Variants in BCAS3 observed in about 807,000 individuals in gnomAD.
BCAS3 encodes the protein BCAS3 microtubule associated cell migration factor.
A neutral mutation model predicts 116.1 loss-of-function variants in BCAS3; 53 were observed. The observed-to-expected ratio is 0.46, with a 90% CI of 0.37 to 0.57. BCAS3 has a LOEUF of 0.57. BCAS3 is among the 20% of genes least tolerant of loss of function. The pLI, the probability that BCAS3 is intolerant of heterozygous loss-of-function variation, is 0.00. For missense variants in BCAS3, 917 were observed against 1,165.4 expected, an observed-to-expected ratio of 0.79 and a Z score of 3.10; for synonymous variants, 391 against 408.2, an observed-to-expected ratio of 0.96 and a Z score of 0.51.
intron 22 of BCAS3, among the ~76,000 whole-genome samples, chr17:61,129,944 CT>C (rs1211197952): frequency 2.6e-5 from 4 of 152,188 alleles, no homozygotes; most frequent in African/African-American, 7.2e-5. Context: ...CTTATCTGTA[CT>C]TAACAAAGAC....
chr17:60,895,792 G>A (rs1235559772), intron 10 of BCAS3, among the ~76,000 whole-genome samples: 1 of 152,160 alleles, frequency 6.6e-6, no homozygotes, highest in East Asian at 1.9e-4. Context: ...GTAGTGTTCA[G>A]GGGCATGTTA....
intron 22 of BCAS3, among the ~76,000 whole-genome samples, chr17:61,269,489 A>G (rs1202802967): frequency 6.6e-6 from 1 of 152,074 alleles, no homozygotes; most frequent in Non-Finnish European, 1.5e-5. Context: ...TCTATTTTTA[A>G]TGTTTTGAGG....
At chr17:61,238,553 T>A (rs2083248835) in intron 22 of BCAS3, among the ~76,000 whole-genome samples, 1 of 152,018 alleles carries the variant, frequency 6.6e-6, no homozygotes, top group South Asian at 2.1e-4. Flanking sequence ...AATTCCATCA[T>A]AATGAGATAA....
intron 22 of BCAS3, among the ~76,000 whole-genome samples, chr17:61,123,101 C>G (rs1455513705): frequency 2.1e-4 from 32 of 152,040 alleles, no homozygotes; most frequent in Non-Finnish European, 1.5e-5. Context: ...ACCACCATGT[C>G]CAACTGATTT....
intron 22 of BCAS3, among the ~76,000 whole-genome samples, chr17:61,135,524 T>C (rs1003094332): frequency 6.6e-6 from 1 of 152,232 alleles, no homozygotes; most frequent in African/African-American, 2.4e-5. Context: ...CAAAGATCTG[T>C]AGGAAAATGC....
chr17:60,814,296 T>TGCGCGCGCGC (rs755687591), intron 7 of BCAS3, among the ~76,000 whole-genome samples: 19 of 124,412 alleles, frequency 1.5e-4, no homozygotes, highest in Admixed American at 2.2e-4. Context: ...TGTGTGTGTG[T>TGCGCGCGCGC]GTGTGTGTGT....
chr17:60,678,324 G>C (rs567044950), intron 1 of BCAS3, among the ~76,000 whole-genome samples: 1 of 152,290 alleles, frequency 6.6e-6, no homozygotes, highest in South Asian at 2.1e-4. Context: ...TTGGTTGTAG[G>C]AGGTGGGGCG....
chr17:61,272,627 A>G, intron 22 of BCAS3, among the ~76,000 whole-genome samples: 1 of 92,552 alleles, frequency 1.1e-5, no homozygotes. Flanking sequence ...ACAGAGTGAA[A>G]CCCTGTCTCA....
intron 7 of BCAS3, among the ~76,000 whole-genome samples, chr17:60,849,552 TAAAA>T (rs201985293): frequency 6.6e-6 from 1 of 152,058 alleles, no homozygotes; most frequent in African/African-American, 2.4e-5. Context: ...CTCCCACAAT[TAAAA>T]AAAGTTTATA....
intron 22 of BCAS3, among the ~76,000 whole-genome samples, chr17:61,177,139 T>C (rs762544285): frequency 6.6e-6 from 1 of 152,236 alleles, no homozygotes; most frequent in Admixed American, 6.5e-5. Context: ...GGAAAACTCC[T>C]TGCTAGTTTC....
rs544625179 is a variant in BCAS3, at chr17:60,973,181, A to G, written c.1222-16790A>G. ...GACTTTTTTTGCTCTTTCCCTCATGATTCCTTTATAAATGTCACTTCCCTG... is the reference window on the plus strand; with the variant it reads ...GACTTTTTTTGCTCTTTCCCTCATGGTTCCTTTATAAATGTCACTTCCCTG... On this transcript the variant is annotated intron_variant, in intron 14 of 23. Coordinates refer to ENST00000407086, the MANE Select transcript of BCAS3 (RefSeq NM_017679.5). 2.6e-4 allele frequency among the ~76,000 whole-genome samples: 39 copies of G among 152,140 alleles called. No individual in the cohort carries two copies. In the Middle Eastern group the frequency reaches 0.02, roughly 80 times the overall value.
rs1396997034 is a variant in BCAS3, at chr17:61,199,554, CTGCACCTTGT to C, written c.2425+114991_2425+115000del. ...TTTTCCCTTCTAATTTGTGCCCTGACTGCACCTTGTGAAAGGTTAGAACTGGGATAATAAC... is the reference window on the plus strand; with the variant it reads ...TTTTCCCTTCTAATTTGTGCCCTGACGAAAGGTTAGAACTGGGATAATAAC... On this transcript the variant is annotated intron_variant, in intron 22 of 23. Coordinates refer to ENST00000407086, the MANE Select transcript of BCAS3 (RefSeq NM_017679.5). The surrounding 1 kb of genome is among the most constrained non-coding windows in gnomAD (Gnocchi z 4.6). 2.6e-5 allele frequency among the ~76,000 whole-genome samples: 4 copies of C among 152,174 alleles called. No homozygotes were observed. Among genetic ancestry groups the C allele is most frequent in the African/African-American group, 9.7e-5 (4 of 41,430 alleles).
At chr17:60,858,590 CTT>C (rs1361595372) in intron 7 of BCAS3, among the ~76,000 whole-genome samples, 3 of 152,016 alleles carry the variant, frequency 2.0e-5, no homozygotes, top group Non-Finnish European at 2.9e-5. Flanking sequence ...TGTTTCTAGG[CTT>C]TTTATTATGG....
chr17:60,860,464 G>C (rs1236801422), intron 7 of BCAS3, among the ~76,000 whole-genome samples: 1 of 152,104 alleles, frequency 6.6e-6, no homozygotes, highest in Non-Finnish European at 1.5e-5. Context: ...CTTGTGCTGT[G>C]CTGAAGCTCT....
At position 61,189,432 on chromosome 17, in the gene BCAS3, TTATATCC is replaced by T. The variant is rs911827881; in HGVS notation, c.2425+104873_2425+104879del. On this transcript the variant is annotated intron_variant, in intron 22 of 23. Transcript: ENST00000407086. This position sits in a 1 kb window ranked among gnomAD's most constrained non-coding sequence, Gnocchi z 4.5. ...TGTATTTTAGTTAAGGAACTTGGAC[TTATATCC>T]TATAAGGATGGAGAAGGGTCTTAGG... Among the ~76,000 whole-genome samples, 2 of 152,214 alleles carry T rather than the reference TTATATCC, an allele frequency of 1.3e-5. No homozygotes were observed. Among genetic ancestry groups the T allele is most frequent in the African/African-American group, 4.8e-5 (2 of 41,456 alleles).
chr17:61,330,061 G>A (rs1305883167), intron 22 of BCAS3, among the ~76,000 whole-genome samples: 1 of 152,186 alleles, frequency 6.6e-6, no homozygotes, highest in African/African-American at 2.4e-5. Flanking sequence ...ACAGAATTTA[G>A]TCTAGATGCC....
chr17:60,859,828 C>T (rs1232447938), intron 7 of BCAS3, among the ~76,000 whole-genome samples: 1 of 152,122 alleles, frequency 6.6e-6, no homozygotes, highest in Non-Finnish European at 1.5e-5. Flanking sequence ...CTTGGCCTCC[C>T]AAAGTGCTAG....
chr17:60,917,354 T>A (rs185873057), intron 12 of BCAS3, among the ~76,000 whole-genome samples: 104 of 152,308 alleles, frequency 6.8e-4, no homozygotes, highest in Non-Finnish European at 3.2e-4. Flanking sequence ...AGCATTCTAC[T>A]TTCTGTGTTT....
At chr17:60,700,135 T>C (rs1186867895) in intron 4 of BCAS3, among the ~76,000 whole-genome samples, 3 of 151,376 alleles carry the variant, frequency 2.0e-5, no homozygotes, top group Middle Eastern at 3.4e-3. Context: ...GTTTGTGTCA[T>C]TGTACTCCAG....
Sources: allele counts gnomAD v4.1 joint callset (sites outside exome capture counted in the v4.1 genomes callset), GRCh38; gene constraint gnomAD v4.1.1; non-coding constraint Gnocchi (gnomAD v3.1); transcripts MANE v1.5; gene names NCBI Gene and HGNC (gene_info 2026-07-23, HGNC 2026-07-21).